WWOX: variants seen among roughly 807,000 people sequenced by gnomAD.
WWOX encodes WW domain containing oxidoreductase, also known as WW domain-containing oxidoreductase.
Under a neutral mutation model 46.2 loss-of-function variants are expected in WWOX, and 69 were observed. The observed-to-expected ratio is 1.49, with a 90% CI of 1.23 to 1.82. The LOEUF (loss-of-function observed/expected upper bound fraction) is 1.82. WWOX is among the 40% of genes most tolerant of loss of function. The probability of loss-of-function intolerance (pLI) is 0.00; values close to 1 mark genes in which losing one functional copy is unlikely to be tolerated. For missense variants in WWOX, 919 were observed against 542.6 expected (o/e 1.69, Z -6.89); for synonymous variants, 359 against 202.6 (o/e 1.77, Z -6.56).
chr16:78,851,825 A>G (rs2052451442), intron 8 of WWOX, among the ~76,000 whole-genome samples: 1 of 152,214 alleles, frequency 6.6e-6, no homozygotes, highest in Non-Finnish European at 1.5e-5. Context: ...TTGCTAATGC[A>G]TTTTCACAAG....
At chr16:78,755,652 G>A (rs762109384) in intron 8 of WWOX, among the ~76,000 whole-genome samples, 5 of 152,168 alleles carry the variant, frequency 3.3e-5, no homozygotes, top group Non-Finnish European at 7.4e-5. Context: ...CACCTGCCTT[G>A]GTTGGGGAGA....
At chr16:78,266,302 G>C (rs538496792) in intron 5 of WWOX, among the ~76,000 whole-genome samples, 4 of 152,290 alleles carry the variant, frequency 2.6e-5, no homozygotes, top group South Asian at 2.1e-4. Context: ...AAATTCCAGA[G>C]AGATCTGAAG....
intron 8 of WWOX, among the ~76,000 whole-genome samples, chr16:78,714,831 T>C (rs2048525421): frequency 6.6e-6 from 1 of 152,180 alleles, no homozygotes; most frequent in South Asian, 2.1e-4. Flanking sequence ...TTATTCTAGC[T>C]GCAGTGAGGA....
At chr16:78,343,437 T>G (rs2081048052) in intron 5 of WWOX, among the ~76,000 whole-genome samples, 1 of 121,006 alleles carries the variant, frequency 8.3e-6, no homozygotes, top group African/African-American at 2.8e-5. Flanking sequence ...ACAGGCACCA[T>G]TTTTGGTGGG....
chr16:79,158,808 T>G (rs955758940), intron 8 of WWOX, among the ~76,000 whole-genome samples: 3 of 152,228 alleles, frequency 2.0e-5, no homozygotes, highest in Admixed American at 6.5e-5. Flanking sequence ...TCTCGTTTAT[T>G]TTGTTGTTTA....
chr16:78,896,137 G>T (rs1218095790), intron 8 of WWOX: 2 of 151,030 alleles, frequency 1.3e-5, no homozygotes, highest in African/African-American at 2.4e-5. Context: ...TTTTATAAAA[G>T]AAGGAAATAG....
chr16:78,872,420 G>T (rs1222230132), intron 8 of WWOX, among the ~76,000 whole-genome samples: 1 of 152,062 alleles, frequency 6.6e-6, no homozygotes, highest in African/African-American at 2.4e-5. Context: ...TTTAAAGAAG[G>T]GAGTTAAAGG....
intron 8 of WWOX, among the ~76,000 whole-genome samples, chr16:78,699,878 G>A (rs1398945653): frequency 6.6e-6 from 1 of 152,086 alleles, no homozygotes; most frequent in African/African-American, 2.4e-5. Context: ...CTAAGATAAT[G>A]GTTTTTCATG....
intron 7 of WWOX, among the ~76,000 whole-genome samples, chr16:78,432,123 T>G (rs1026622681): frequency 1.1e-5 from 1 of 91,596 alleles, no homozygotes; most frequent in Admixed American, 9.6e-5. Context: ...TCAGATTGCT[T>G]TTTTTTTTTT....
intron 5 of WWOX, among the ~76,000 whole-genome samples, chr16:78,235,770 G>A (rs1170827713): frequency 6.6e-6 from 1 of 152,122 alleles, no homozygotes; most frequent in African/African-American, 2.4e-5. Context: ...AGACTAGATG[G>A]TCAAGGTGAT....
intron 8 of WWOX, among the ~76,000 whole-genome samples, chr16:78,667,018 C>T (rs1226312169): frequency 6.6e-6 from 1 of 152,092 alleles, no homozygotes; most frequent in African/African-American, 2.4e-5. Flanking sequence ...CTCTAAAACC[C>T]AACTGCTGGC....
intron 8 of WWOX, among the ~76,000 whole-genome samples, chr16:78,656,996 A>G (rs1361164110): frequency 1.3e-5 from 2 of 152,132 alleles, no homozygotes; most frequent in African/African-American, 4.8e-5. Flanking sequence ...CACATGGTGG[A>G]TGAGCGTTTT....
At chr16:79,029,273 C>G (rs954219951) in intron 8 of WWOX, among the ~76,000 whole-genome samples, 1 of 152,194 alleles carries the variant, frequency 6.6e-6, no homozygotes, top group South Asian at 2.1e-4. Flanking sequence ...CACGCGGAAA[C>G]TGGATGTTTC....
At chr16:79,142,391 G>T (rs2050107073) in intron 8 of WWOX, among the ~76,000 whole-genome samples, 1 of 152,314 alleles carries the variant, frequency 6.6e-6, no homozygotes, top group African/African-American at 2.4e-5. Context: ...CATGTTTAGT[G>T]ACATCATGTT....
At chr16:78,899,678 A>G (rs1161211560) in intron 8 of WWOX, 1 of 152,248 alleles carries the variant, frequency 6.6e-6, no homozygotes, top group East Asian at 1.9e-4. Context: ...ACTTTTACAG[A>G]TACCCAGAAC....
At chr16:79,116,602 C>T (rs1348572700) in intron 8 of WWOX, among the ~76,000 whole-genome samples, 1 of 152,158 alleles carries the variant, frequency 6.6e-6, no homozygotes, top group Non-Finnish European at 1.5e-5. Context: ...TCATCAGGCT[C>T]TACTTCTAAC....
At chr16:78,764,570 T>C (rs939748475) in intron 8 of WWOX, among the ~76,000 whole-genome samples, 1 of 139,108 alleles carries the variant, frequency 7.2e-6, no homozygotes, top group Non-Finnish European at 1.5e-5. Context: ...CTTCATCTGT[T>C]ACTCGCTCAC....
Position 79,212,127 on chromosome 16 carries a change from T to G in WWOX, c.*331T>G. 6.5e-7 allele frequency: 1 copy of G among 1,531,192 alleles called. No homozygotes were observed. The allele number at this position is 1,531,192 out of a possible 1,614,324, so 94.9% of individuals were successfully genotyped here. On this transcript the variant is annotated 3_prime_UTR_variant, in exon 9 of 9. Coordinates refer to ENST00000566780, the MANE Select transcript of WWOX (RefSeq NM_016373.4). ...TTCTCTTTCTTTTACTGTTATAGAA[T>G]AGCCTGAGGTCCCCTCGTCCCATCC...
At chr16:78,378,047 A>T (rs1292397038) in intron 5 of WWOX, among the ~76,000 whole-genome samples, 1 of 152,030 alleles carries the variant, frequency 6.6e-6, no homozygotes, top group Admixed American at 6.6e-5. Flanking sequence ...TTGATGCTGG[A>T]TGGTTGATTT....
Sources: allele counts gnomAD v4.1 joint callset (sites outside exome capture counted in the v4.1 genomes callset), GRCh38; gene constraint gnomAD v4.1.1; transcripts MANE v1.5; gene names NCBI Gene and HGNC (gene_info 2026-07-23, HGNC 2026-07-21).